The following MPP7 variants were observed in gnomAD, a reference collection of about 807,000 sequenced individuals.
MPP7 encodes the protein MAGUK p55 scaffold protein 7.
MPP7 carries 60 observed loss-of-function variants against 76.5 expected under a neutral mutation model. The ratio of observed to expected loss-of-function variants is 0.78; its 90% CI spans 0.64 to 0.97. The LOEUF is 0.97. Among genes scored for constraint, MPP7 ranks in the 50% least tolerant of loss-of-function variants. The pLI, the probability that MPP7 is intolerant of heterozygous loss-of-function variation, is 0.00. For synonymous variants in MPP7, 237 were observed against 244.5 expected, an observed-to-expected ratio of 0.97 and a Z score of 0.29; for missense variants, 641 against 694.0, an observed-to-expected ratio of 0.92 and a Z score of 0.86.
upstream of MPP7, among the ~76,000 whole-genome samples, chr10:28,304,519 A>C (rs185534240): frequency 3.3e-5 from 5 of 152,352 alleles, no homozygotes; most frequent in East Asian, 9.6e-4. Context: ...CCTGAGAATA[A>C]AGTAAAGGTC....
intron 3 of MPP7, among the ~76,000 whole-genome samples, chr10:28,152,698 C>T (rs945169811): frequency 6.6e-6 from 1 of 152,062 alleles, no homozygotes. Flanking sequence ...AGCCAGTAGC[C>T]TTCTTCTTGG....
intron 1 of MPP7, among the ~76,000 whole-genome samples, chr10:28,333,892 A>T (rs1834492904): frequency 1.3e-5 from 2 of 152,160 alleles, no homozygotes; most frequent in South Asian, 4.1e-4. Flanking sequence ...CACAGTGGAG[A>T]CATAATAGTA....
chr10:28,057,277 CA>C (rs1207556303), intron 15 of MPP7, among the ~76,000 whole-genome samples: 1 of 152,146 alleles, frequency 6.6e-6, no homozygotes, highest in Non-Finnish European at 1.5e-5. Context: ...TGTCCACACC[CA>C]AATCTCATGT....
intron 16 of MPP7, 24 bp downstream of exon 16, chr10:28,056,456 G>A: frequency 1.2e-6 from 2 of 1,601,054 alleles, no homozygotes; most frequent in Middle Eastern, 1.7e-4. Flanking sequence ...ACCACACCTG[G>A]CCCCCAAGCA....
intron 2 of MPP7, among the ~76,000 whole-genome samples, chr10:28,311,694 G>C (rs1468160544): frequency 6.6e-6 from 1 of 151,752 alleles, no homozygotes; most frequent in Non-Finnish European, 1.5e-5. Context: ...ACCAACATGG[G>C]CAACATAGCA....
intron 1 of MPP7, among the ~76,000 whole-genome samples, chr10:28,289,933 C>G (rs1400233010): frequency 1.3e-5 from 2 of 152,212 alleles, no homozygotes; most frequent in African/African-American, 4.8e-5. Context: ...ATGCTCCCAT[C>G]TTAGCCACCC....
intron 4 of MPP7, 49 bp downstream of exon 4, chr10:28,149,933 C>T (rs1245172679): frequency 6.8e-7 from 1 of 1,462,346 alleles, no homozygotes; most frequent in East Asian, 2.3e-5. Context: ...TCTGCCTGGG[C>T]CAGGTCTGCA....
rs59436299 is a variant in MPP7, at chr10:28,189,570, CAAAAAAAAAAAA to C, written c.156+12571_156+12582del. 6.6e-3 allele frequency among the ~76,000 whole-genome samples: 462 copies of C among 69,532 alleles called. 2 individuals carry two copies. Among genetic ancestry groups the C allele is most frequent in the African/African-American group, 0.02 (424 of 20,750 alleles). The allele number at this position is 69,532 out of a possible 152,430, so 45.6% of individuals were successfully genotyped here. A position where few individuals can be genotyped will look rare whatever the true frequency, so the allele number is the denominator to read the frequency against. On this transcript the variant is annotated intron_variant, in intron 3 of 16. Coordinates refer to ENST00000683449, the MANE Select transcript of MPP7 (RefSeq NM_001318170.2). ...AGGGAGACAGAGCAAGACCCTGTCTCAAAAAAAAAAAAAAAAAAAAAAAAAAAAACCTGTATT... is the reference window on the plus strand; with the variant it reads ...AGGGAGACAGAGCAAGACCCTGTCTCAAAAAAAAAAAAAAAAACCTGTATT...
intron 3 of MPP7, among the ~76,000 whole-genome samples, chr10:28,152,154 G>A (rs1386259753): frequency 2.6e-5 from 4 of 152,166 alleles, no homozygotes; most frequent in East Asian, 1.9e-4. Context: ...TCTTCTGAGC[G>A]TCTTTCACAA....
chr10:28,099,313 G>A (rs1201971214), intron 11 of MPP7, among the ~76,000 whole-genome samples: 1 of 152,014 alleles, frequency 6.6e-6, no homozygotes, highest in Admixed American at 6.6e-5. Context: ...TTTTCAAATG[G>A]GACAGTTTAG....
intron 1 of MPP7, among the ~76,000 whole-genome samples, chr10:28,281,825 T>C (rs985005366): frequency 6.6e-6 from 1 of 152,076 alleles, no homozygotes; most frequent in Non-Finnish European, 1.5e-5. Flanking sequence ...AGGGCTGGAA[T>C]TTAGAAGCCA....
intron 12 of MPP7, among the ~76,000 whole-genome samples, chr10:28,075,400 C>A (rs1217711500): frequency 6.6e-6 from 1 of 152,098 alleles, no homozygotes; most frequent in Non-Finnish European, 1.5e-5. Flanking sequence ...TTCTCTCCAC[C>A]ATCCTGGTTT....
chr10:28,062,645 C>T (rs774098736), intron 13 of MPP7, among the ~76,000 whole-genome samples: 4 of 150,346 alleles, frequency 2.7e-5, no homozygotes, highest in Non-Finnish European at 4.4e-5. Flanking sequence ...TAATGGCAGA[C>T]AAAACAATCA....
intron 1 of MPP7, among the ~76,000 whole-genome samples, chr10:28,253,228 C>G (rs1839673175): frequency 6.6e-6 from 1 of 152,050 alleles, no homozygotes; most frequent in Non-Finnish European, 1.5e-5. Flanking sequence ...CTTTAAAGAT[C>G]AGAATGGTTT....
chr10:28,323,217 G>A (rs111871913), intron 2 of MPP7, among the ~76,000 whole-genome samples: 17,748 of 151,986 alleles, frequency 0.12, 1,317 homozygotes, highest in Non-Finnish European at 0.17. Context: ...CCTTGGAGGC[G>A]GAGCTTGCAG....
intron 1 of MPP7, among the ~76,000 whole-genome samples, chr10:28,263,698 C>G (rs969313464): frequency 8.6e-5 from 13 of 152,028 alleles, no homozygotes; most frequent in African/African-American, 2.9e-4. Context: ...AGGGGAGGGG[C>G]AGAGAGGAGC....
At chr10:28,092,574 G>T in intron 11 of MPP7, among the ~76,000 whole-genome samples, 1 of 106,148 alleles carries the variant, frequency 9.4e-6, no homozygotes, top group Non-Finnish European at 1.7e-5. Context: ...CCAGAAAAGG[G>T]ACCTTTTTTT....
chr10:28,148,596 T>C (rs975263413), intron 4 of MPP7, among the ~76,000 whole-genome samples: 1 of 152,208 alleles, frequency 6.6e-6, no homozygotes, highest in African/African-American at 2.4e-5. Flanking sequence ...CAGTCATTAA[T>C]TACCTTTCAA....
rs542775776 is a variant in MPP7, at chr10:28,141,822, A to C, written c.315+5661T>G. 9.8e-5 allele frequency among the ~76,000 whole-genome samples: 15 copies of C among 152,328 alleles called. No homozygotes were observed. In the East Asian group the frequency reaches 2.7e-3, roughly 27 times the overall value. ...TCTTCTGGGAAAATACATTTGCAAGAATAATGATAGGAATTTGGCCTTAGA... is the reference window on the plus strand; with the variant it reads ...TCTTCTGGGAAAATACATTTGCAAGCATAATGATAGGAATTTGGCCTTAGA... On this transcript the variant is annotated intron_variant, in intron 5 of 16. Coordinates refer to ENST00000683449, the MANE Select transcript of MPP7 (RefSeq NM_001318170.2).
Sources: allele counts gnomAD v4.1 joint callset (sites outside exome capture counted in the v4.1 genomes callset), GRCh38; gene constraint gnomAD v4.1.1; transcripts MANE v1.5; gene names NCBI Gene and HGNC (gene_info 2026-07-23, HGNC 2026-07-21).